Variants in UBE2W observed in about 807,000 individuals in gnomAD.
UBE2W encodes ubiquitin conjugating enzyme E2 W, also known as ubiquitin-conjugating enzyme E2 W.
UBE2W carries 18 observed loss-of-function variants against 27.2 expected under a neutral mutation model. The observed-to-expected ratio is 0.66, with a 90% CI of 0.46 to 0.98. The LOEUF is 0.98. Among genes scored for constraint, UBE2W ranks in the 50% least tolerant of loss-of-function variants. UBE2W has a pLI of 0.00. For missense variants in UBE2W, 90 were observed against 180.2 expected (o/e 0.50, Z 2.87); for synonymous variants, 53 against 57.2 (o/e 0.93, Z 0.33).
chr8:73,878,773 C>G (rs1812354042), intron 1 of UBE2W, 35 bp downstream of exon 1: 1 of 1,530,056 alleles, frequency 6.5e-7, no homozygotes, highest in Non-Finnish European at 8.9e-7. Flanking sequence ...CTCGGCGGCT[C>G]CCTGGCCCGC....
intron 5 of UBE2W, chr8:73,795,660 C>T: frequency 4.2e-6 from 2 of 475,586 alleles, no homozygotes; most frequent in Non-Finnish European, 5.5e-6. Flanking sequence ...ATTCCATGAT[C>T]CAGTAATTTC....
intron 1 of UBE2W, among the ~76,000 whole-genome samples, chr8:73,874,345 G>A (rs1003203527): frequency 3.3e-5 from 5 of 152,108 alleles, no homozygotes; most frequent in Admixed American, 1.3e-4. Context: ...GCAGGAGAAC[G>A]GCATGAAGCC....
chr8:73,829,114 T>C (rs1008148109), intron 2 of UBE2W, among the ~76,000 whole-genome samples: 3 of 152,188 alleles, frequency 2.0e-5, no homozygotes, highest in East Asian at 3.8e-4. Context: ...ACAAAGGTAT[T>C]GTTGCTTTGG....
chr8:73,831,987 T>G (rs1810084659), intron 1 of UBE2W: 1 of 151,794 alleles, frequency 6.6e-6, no homozygotes, highest in Non-Finnish European at 1.5e-5. Context: ...GGAAAGAAAG[T>G]AGGCTACGTG....
chr8:73,867,534 AAAAAAAC>A (rs976793107), intron 1 of UBE2W, among the ~76,000 whole-genome samples: 59 of 151,816 alleles, frequency 3.9e-4, no homozygotes, highest in African/African-American at 1.2e-3. Context: ...ACTCTGTCTC[AAAAAAAC>A]AAAAAACAAA....
chr8:73,838,599 G>A (rs1810405885), intron 1 of UBE2W, among the ~76,000 whole-genome samples: 1 of 152,086 alleles, frequency 6.6e-6, no homozygotes. Flanking sequence ...AGATGACACG[G>A]GTTCAGTTCC....
Position 73,804,370 on chromosome 8 carries a change from C to T in UBE2W, c.442+1281G>A, listed in dbSNP as rs191762700. On this transcript the variant is annotated intron_variant, in intron 5 of 5. Transcript: ENST00000602593. Reference sequence around the variant, plus strand: ...ACAGGGGATGGTTTTTGTTTACTTGCTTCAAAAACTACATTGAAGAATACA... The same window carrying T: ...ACAGGGGATGGTTTTTGTTTACTTGTTTCAAAAACTACATTGAAGAATACA... Among the ~76,000 whole-genome samples the T allele has an allele frequency of 5.8e-4, 88 of 151,164 alleles. 1 individual carries two copies. Among genetic ancestry groups the T allele is most frequent in the African/African-American group, 2.0e-3 (81 of 41,220 alleles).
At chr8:73,869,560 G>A (rs543620755) in intron 1 of UBE2W, among the ~76,000 whole-genome samples, 30 of 152,258 alleles carry the variant, frequency 2.0e-4, no homozygotes, top group South Asian at 6.2e-4. Context: ...GTGTGGTGGC[G>A]CACGCCTGCA....
chr8:73,843,573 T>G (rs1810636249), intron 1 of UBE2W, among the ~76,000 whole-genome samples: 1 of 152,024 alleles, frequency 6.6e-6, no homozygotes, highest in Non-Finnish European at 1.5e-5. Context: ...GAGTTCAGGT[T>G]ATAGTGAGTT....
intron 1 of UBE2W, among the ~76,000 whole-genome samples, chr8:73,864,109 T>C (rs1811644145): frequency 6.6e-6 from 1 of 152,040 alleles, no homozygotes; most frequent in Admixed American, 6.6e-5. Flanking sequence ...TAAATCAAAA[T>C]ACAGCTGGGC....
At chr8:73,870,346 G>C (rs1415868473) in intron 1 of UBE2W, 10 of 1,538,940 alleles carry the variant, frequency 6.5e-6, no homozygotes, top group South Asian at 2.4e-5. Context: ...GGTCATAAAG[G>C]AAATCTATTT....
intron 1 of UBE2W, among the ~76,000 whole-genome samples, chr8:73,858,841 G>A (rs1811413809): frequency 6.6e-6 from 1 of 151,756 alleles, no homozygotes; most frequent in South Asian, 2.1e-4. Flanking sequence ...TGCAAGGACT[G>A]AACCAACCTT....
At chr8:73,864,676 A>G (rs1286592102) in intron 1 of UBE2W, among the ~76,000 whole-genome samples, 2 of 143,160 alleles carry the variant, frequency 1.4e-5, no homozygotes, top group African/African-American at 5.2e-5. Flanking sequence ...TCCTGGGTTC[A>G]AACAATTCTC....
At chr8:73,839,347 TAAAAAAAAA>T (rs34467910) in intron 1 of UBE2W, among the ~76,000 whole-genome samples, 1 of 131,710 alleles carries the variant, frequency 7.6e-6, no homozygotes, top group Non-Finnish European at 1.6e-5. Context: ...TGCTCCTAGT[TAAAAAAAAA>T]AAAAAAAAAA....
chr8:73,816,458 A>C (rs925558561), intron 3 of UBE2W, among the ~76,000 whole-genome samples: 1 of 152,236 alleles, frequency 6.6e-6, no homozygotes, highest in Non-Finnish European at 1.5e-5. Flanking sequence ...CATCACGAAC[A>C]TAGGTTCTGG....
rs920203753 is a variant in UBE2W at position 73,790,646 on chromosome 8, TG to T, written c.*3455del. On this transcript the variant is annotated 3_prime_UTR_variant, in exon 6 of 6. Coordinates refer to ENST00000602593, the MANE Select transcript of UBE2W (RefSeq NM_018299.6). ...TGAATTCTTTATTTAAAAAAATTTT[TG>T]TAACACACAGTACCTCCTCTTCTCT... 2.7e-5 allele frequency: 27 copies of T among 984,342 alleles called. No individual in the cohort carries two copies. Among genetic ancestry groups the T allele is most frequent in the Non-Finnish European group, 3.0e-5 (25 of 829,054 alleles). The allele number at this position is 984,342 out of a possible 1,614,324, so 61.0% of individuals were successfully genotyped here.
chr8:73,803,764 CTTTTCTT>C (rs371321114), intron 5 of UBE2W, among the ~76,000 whole-genome samples: 7,364 of 147,704 alleles, frequency 0.05, 554 homozygotes, highest in African/African-American at 0.17. Flanking sequence ...TTTCTTTTTT[CTTTTCTT>C]TTTTTTTTTT....
chr8:73,806,556 A>G (rs1808916809), intron 4 of UBE2W, among the ~76,000 whole-genome samples: 1 of 151,206 alleles, frequency 6.6e-6, no homozygotes, highest in Non-Finnish European at 1.5e-5. Context: ...AAAAAAAAAA[A>G]AAAAATTAGC....
intron 2 of UBE2W, among the ~76,000 whole-genome samples, chr8:73,828,124 G>A (rs182625372): frequency 3.3e-5 from 5 of 152,214 alleles, no homozygotes; most frequent in African/African-American, 7.2e-5. Flanking sequence ...GAGACTACAC[G>A]TGTTGTTCTC....
Sources: allele counts gnomAD v4.1 joint callset (sites outside exome capture counted in the v4.1 genomes callset), GRCh38; gene constraint gnomAD v4.1.1; transcripts MANE v1.5; gene names NCBI Gene and HGNC (gene_info 2026-07-23, HGNC 2026-07-21).